The following ANO1 variants were observed in gnomAD, a reference collection of about 807,000 sequenced individuals.
ANO1 encodes the protein anoctamin-1.
In ANO1, 59 loss-of-function variants were observed where a neutral mutation model predicts 124.0. The ratio of observed to expected loss-of-function variants is 0.48; its 90% CI spans 0.39 to 0.59. The LOEUF (loss-of-function observed/expected upper bound fraction) is 0.59, where lower values mean the gene tolerates loss of function less well. ANO1 is among the 20% of genes least tolerant of loss of function. The probability of loss-of-function intolerance (pLI) is 0.00; values close to 1 mark genes in which losing one functional copy is unlikely to be tolerated. For missense variants in ANO1, 1,059 were observed against 1,328.0 expected, an observed-to-expected ratio of 0.80 and a Z score of 3.15; for synonymous variants, 529 against 532.0, an observed-to-expected ratio of 0.99 and a Z score of 0.08.
chr11:70,074,135 G>A (rs534521942), upstream of ANO1, among the ~76,000 whole-genome samples: 19 of 152,264 alleles, frequency 1.2e-4, no homozygotes, highest in Non-Finnish European at 2.2e-4. Context: ...GCGGGTTGCC[G>A]GGCAGCACGG....
intron 21 of ANO1, among the ~76,000 whole-genome samples, chr11:70,168,268 T>C (rs982167839): frequency 6.6e-6 from 1 of 152,182 alleles, no homozygotes; most frequent in Non-Finnish European, 1.5e-5. Context: ...TTGCACGAGA[T>C]GTGCCCTGCT....
In ANO1 at chr11:69,995,102, T is replaced by TTG. The variant is rs869255913; in HGVS notation, c.58+8937_58+8938insGT. Reference sequence around the variant, plus strand: ...CACAAATGCTGGCACTGTTTTTTTTTTTTTTTTTTTTTTTTGAGATGGAAT... The same window carrying TTG: ...CACAAATGCTGGCACTGTTTTTTTTTTGTTTTTTTTTTTTTTTGAGATGGAAT... On this transcript the variant is annotated intron_variant, in intron 1 of 27. Transcript: ENST00000531349. 4.4e-3 allele frequency among the ~76,000 whole-genome samples: 45 copies of TTG among 10,314 alleles called. 1 individual carries two copies. The highest frequency in any genetic ancestry group is 7.2e-3 in the African/African-American group (43 of 5,988). The allele number at this position is 10,314 out of a possible 152,430, so 6.8% of individuals were successfully genotyped here.
intron 8 of ANO1, among the ~76,000 whole-genome samples, chr11:70,122,069 G>A (rs1358939333): frequency 1.3e-5 from 1 of 79,566 alleles, no homozygotes; most frequent in Non-Finnish European, 2.4e-5. Context: ...CTCTCCATCT[G>A]CCTCTGTCTC....
At chr11:69,973,511 A>T in the ANO1 span, among the ~76,000 whole-genome samples, 1 of 152,064 alleles carries the variant, frequency 6.6e-6, no homozygotes, top group Non-Finnish European at 1.5e-5. Flanking sequence ...GGCTCTAGGG[A>T]GTTATCCTTG....
At chr11:70,009,761 G>A (rs561765067) in intron 1 of ANO1, among the ~76,000 whole-genome samples, 1 of 152,174 alleles carries the variant, frequency 6.6e-6, no homozygotes, top group South Asian at 2.1e-4. Flanking sequence ...AGAGGGGAGA[G>A]GTGTTGGGCT....
chr11:70,187,791 C>T lies in ANO1; in HGVS notation c.2748C>T (p.Pro916=). 1 of 1,609,674 alleles carries T rather than the reference C, an allele frequency of 6.2e-7. No homozygotes were observed. The highest frequency in any genetic ancestry group is 8.5e-7 in the Non-Finnish European group (1 of 1,178,256). ...TGGACTGGGTCATCCCGGACATCCC[C>T]AAGGACATCAGCCAGCAGATCCACA... The part of the protein sequence containing the change: ...DFVDWVIPDI[P]KDISQQIHKE... Residue 916 remains proline, a synonymous_variant, in exon 26 of 26, where the codon CCC becomes CCT. Coordinates refer to ENST00000355303, the MANE Select transcript of ANO1 (RefSeq NM_018043.7).
intron 11 of ANO1, among the ~76,000 whole-genome samples, chr11:70,139,148 G>C (rs1015858569): frequency 5.9e-5 from 9 of 151,972 alleles, no homozygotes; most frequent in Admixed American, 1.3e-4. Context: ...TGGTGTATAC[G>C]GACCACATAT....
chr11:70,135,035 C>T (rs1431246984), intron 11 of ANO1, among the ~76,000 whole-genome samples: 1 of 152,090 alleles, frequency 6.6e-6, no homozygotes, highest in Non-Finnish European at 1.5e-5. Context: ...AGTCGGAGAC[C>T]GCAAGTCTAA....
intron 8 of ANO1, among the ~76,000 whole-genome samples, chr11:70,117,890 T>A (rs2135439507): frequency 1.3e-5 from 2 of 152,346 alleles, no homozygotes; most frequent in South Asian, 4.1e-4. Context: ...CAGATGAAGA[T>A]GCTATCTAAC....
chr11:70,112,991 C>A (rs529820807), intron 7 of ANO1, among the ~76,000 whole-genome samples: 3 of 152,164 alleles, frequency 2.0e-5, no homozygotes, highest in Non-Finnish European at 4.4e-5. Flanking sequence ...ATCTGCTGCC[C>A]GTCACCTCGT....
In ANO1 at chr11:70,010,292, C is replaced by T. The variant is rs544016169; in HGVS notation, c.58+24126C>T. Among the ~76,000 whole-genome samples, 37 of 150,728 alleles carry T rather than the reference C, an allele frequency of 2.5e-4. 2 individuals are homozygous for T. The South Asian group carries it at 7.2e-3, about 29-fold the overall frequency. ...TTGTGCTCAATTGCACACATGGAAACATATAAACACAGGTGTGCAAGTGCC... is the reference window on the plus strand; with the variant it reads ...TTGTGCTCAATTGCACACATGGAAATATATAAACACAGGTGTGCAAGTGCC... On this transcript the variant is annotated intron_variant, in intron 1 of 27. Coordinates refer to the ANO1 transcript ENST00000531349.
At chr11:70,173,549 A>G (rs1019363251) in intron 22 of ANO1, among the ~76,000 whole-genome samples, 3 of 152,060 alleles carry the variant, frequency 2.0e-5, no homozygotes, top group African/African-American at 7.2e-5. Context: ...CCCTCATACC[A>G]CAGCCCTCCA....
intron 1 of ANO1, among the ~76,000 whole-genome samples, chr11:70,024,568 C>T (rs191268210): frequency 2.6e-5 from 4 of 152,158 alleles, no homozygotes; most frequent in Admixed American, 6.5e-5. Flanking sequence ...CCCTGGGCAC[C>T]GTCTGCTTTC....
At chr11:69,979,283 T>C in the ANO1 span, among the ~76,000 whole-genome samples, 313 of 152,310 alleles carry the variant, frequency 2.1e-3, 3 homozygotes, top group African/African-American at 7.2e-3. Context: ...AACTGGTGTA[T>C]TGAGTTCACC....
chr11:70,182,412 A>G, intron 23 of ANO1, 90 bp from the exon 24 acceptor site: 2 of 1,120,784 alleles, frequency 1.8e-6, no homozygotes, highest in East Asian at 2.9e-5. Context: ...GCCAGGGTCC[A>G]GTGTAACTGT....
chr11:69,969,200 C>G, the ANO1 span, among the ~76,000 whole-genome samples: 6 of 152,160 alleles, frequency 3.9e-5, no homozygotes, highest in Non-Finnish European at 5.9e-5. Flanking sequence ...GCACAGCTGC[C>G]GGTGGAAAGC....
At chr11:70,125,561 G>T (rs1048982912) in intron 9 of ANO1, among the ~76,000 whole-genome samples, 6 of 149,764 alleles carry the variant, frequency 4.0e-5, no homozygotes, top group Admixed American at 4.0e-4. Flanking sequence ...AGAAAGAGAA[G>T]AGGCTGGGCA....
intron 1 of ANO1, among the ~76,000 whole-genome samples, chr11:70,033,208 G>A (rs1162906118): frequency 6.6e-6 from 1 of 152,130 alleles, no homozygotes; most frequent in Non-Finnish European, 1.5e-5. Context: ...CAAGGGACCT[G>A]CTTGCTCCCG....
At chr11:70,151,627 TG>T (rs1406023110) in intron 12 of ANO1, among the ~76,000 whole-genome samples, 2 of 152,146 alleles carry the variant, frequency 1.3e-5, no homozygotes, top group African/African-American at 4.8e-5. Context: ...ATCTTGATTT[TG>T]GGGGTGATAA....
Sources: allele counts gnomAD v4.1 joint callset (sites outside exome capture counted in the v4.1 genomes callset), GRCh38; gene constraint gnomAD v4.1.1; transcripts MANE v1.5; gene names NCBI Gene and HGNC (gene_info 2026-07-23, HGNC 2026-07-21).